KIF16B: variants seen among roughly 807,000 people sequenced by gnomAD.
The protein encoded by KIF16B is kinesin-like protein KIF16B.
A neutral mutation model predicts 156.3 loss-of-function variants in KIF16B; 98 were observed. That is an observed-to-expected ratio of 0.63 (90% CI 0.53 to 0.74). KIF16B has a LOEUF of 0.74. Ranked by LOEUF, KIF16B falls within the 30% of genes least tolerant of loss-of-function variation. The pLI is 0.00. For synonymous variants in KIF16B, 564 were observed against 583.7 expected, an observed-to-expected ratio of 0.97 and a Z score of 0.49; for missense variants, 1,421 against 1,606.5, an observed-to-expected ratio of 0.88 and a Z score of 1.97.
chr20:16,392,448 T>C (rs980516531), intron 17 of KIF16B, among the ~76,000 whole-genome samples: 2 of 152,082 alleles, frequency 1.3e-5, no homozygotes, highest in East Asian at 1.9e-4. Flanking sequence ...CATTTGTGGG[T>C]AGAGGGAACA....
At chr20:16,548,716 A>G (rs1180747837) in intron 1 of KIF16B, among the ~76,000 whole-genome samples, 1 of 152,212 alleles carries the variant, frequency 6.6e-6, no homozygotes, top group African/African-American at 2.4e-5. Context: ...CCCTGGTGCC[A>G]AGAAGTCTCA....
intron 23 of KIF16B, among the ~76,000 whole-genome samples, chr20:16,343,405 T>C (rs1198212005): frequency 6.6e-6 from 1 of 152,184 alleles, no homozygotes; most frequent in African/African-American, 2.4e-5. Flanking sequence ...GAATCAACAG[T>C]TTTTCATTCA....
At chr20:16,380,251 C>A in intron 18 of KIF16B, 88 bp from the exon 19 acceptor site, 1 of 1,205,438 alleles carries the variant, frequency 8.3e-7, no homozygotes, top group Non-Finnish European at 1.1e-6. Context: ...AATGCACATA[C>A]AACCAGGTCA....
At chr20:16,302,828 T>C (rs1180088444) in intron 25 of KIF16B, among the ~76,000 whole-genome samples, 1 of 152,246 alleles carries the variant, frequency 6.6e-6, no homozygotes, top group Admixed American at 6.5e-5. Context: ...ATAGAATAGC[T>C]ATTGATGTTT....
chr20:16,484,177 T>C (rs943582165), intron 12 of KIF16B, among the ~76,000 whole-genome samples: 2 of 152,200 alleles, frequency 1.3e-5, no homozygotes, highest in African/African-American at 2.4e-5. Flanking sequence ...TTTCTGAGCC[T>C]TTTTGCTCCA....
intron 12 of KIF16B, among the ~76,000 whole-genome samples, chr20:16,483,676 G>T (rs543101906): frequency 6.6e-6 from 1 of 152,244 alleles, no homozygotes; most frequent in South Asian, 2.1e-4. Flanking sequence ...CTTGCAGTGA[G>T]GTTCTGAGAA....
At chr20:16,396,087 CA>C (rs1242529978) in intron 17 of KIF16B, among the ~76,000 whole-genome samples, 1 of 152,142 alleles carries the variant, frequency 6.6e-6, no homozygotes, top group Admixed American at 6.5e-5. Flanking sequence ...AAACAGACAA[CA>C]AAATGCCTAC....
At chr20:16,417,345 G>A (rs879159510) in intron 15 of KIF16B, among the ~76,000 whole-genome samples, 1 of 152,158 alleles carries the variant, frequency 6.6e-6, no homozygotes, top group Admixed American at 6.5e-5. Flanking sequence ...GAGGAGCACT[G>A]CAAAGGATCT....
chr20:16,494,397 A>T (rs763322360), intron 11 of KIF16B, 47 bp from the exon 12 acceptor site: 2 of 1,263,288 alleles, frequency 1.6e-6, no homozygotes, highest in Non-Finnish European at 1.1e-6. Context: ...AAGAAAGTTT[A>T]TAATTTTCTT....
At chr20:16,418,063 C>T (rs932493893) in intron 15 of KIF16B, among the ~76,000 whole-genome samples, 1 of 151,492 alleles carries the variant, frequency 6.6e-6, no homozygotes, top group Non-Finnish European at 1.5e-5. Flanking sequence ...CAGGTTAACC[C>T]CGAGAAATCC....
chr20:16,382,363 C>T (rs1472788826), intron 17 of KIF16B, among the ~76,000 whole-genome samples: 2 of 152,192 alleles, frequency 1.3e-5, no homozygotes, highest in Non-Finnish European at 1.5e-5. Flanking sequence ...CACTTCTCTA[C>T]ACTTCTCATC....
chr20:16,522,921 G>A (rs1047199387), intron 3 of KIF16B, among the ~76,000 whole-genome samples: 17 of 151,850 alleles, frequency 1.1e-4, no homozygotes, highest in African/African-American at 3.4e-4. Flanking sequence ...TAAACAGAAC[G>A]AATGACAAAA....
chr20:16,364,824 A>G (rs1486422106), intron 22 of KIF16B, among the ~76,000 whole-genome samples: 1 of 152,254 alleles, frequency 6.6e-6, no homozygotes, highest in African/African-American at 2.4e-5. Flanking sequence ...TTCTTAGATC[A>G]TAAAGCAGAC....
intron 1 of KIF16B, among the ~76,000 whole-genome samples, chr20:16,539,640 C>G (rs2070119788): frequency 6.6e-6 from 1 of 152,146 alleles, no homozygotes; most frequent in Non-Finnish European, 1.5e-5. Context: ...TGAGGCCTCC[C>G]CAGAAGCAGA....
intron 11 of KIF16B, among the ~76,000 whole-genome samples, chr20:16,495,883 G>A (rs1432169029): frequency 2.0e-5 from 3 of 152,092 alleles, no homozygotes; most frequent in Admixed American, 6.6e-5. Context: ...TAAAGAGGAG[G>A]TCTCATCATG....
chr20:16,465,170 G>C (rs957809705), intron 12 of KIF16B, among the ~76,000 whole-genome samples: 1 of 152,190 alleles, frequency 6.6e-6, no homozygotes, highest in Non-Finnish European at 1.5e-5. Context: ...AGAAGAAAGA[G>C]AGGCTTAACA....
intron 25 of KIF16B, among the ~76,000 whole-genome samples, chr20:16,276,654 A>G (rs1013406045): frequency 2.0e-5 from 3 of 152,070 alleles, no homozygotes; most frequent in African/African-American, 7.2e-5. Flanking sequence ...CCAGAGCCAC[A>G]TGCTTCAAAT....
intron 15 of KIF16B, among the ~76,000 whole-genome samples, chr20:16,409,043 A>G (rs1168642293): frequency 6.6e-6 from 1 of 152,148 alleles, no homozygotes; most frequent in East Asian, 1.9e-4. Context: ...TCAGAGAGAG[A>G]GATAAATAAT....
intron 17 of KIF16B, among the ~76,000 whole-genome samples, chr20:16,403,823 C>A (rs974155260): frequency 6.6e-6 from 1 of 152,162 alleles, no homozygotes; most frequent in Admixed American, 6.5e-5. Flanking sequence ...GCTTTCAGCA[C>A]ACAGCTTGAT....
Sources: gnomAD v4.1 joint callset for allele counts (sites outside exome capture counted in the v4.1 genomes callset) on GRCh38, gnomAD v4.1.1 for gene constraint, MANE v1.5 for transcripts, NCBI Gene and HGNC (gene_info 2026-07-23, HGNC 2026-07-21) for gene names.